Variants in CFAP299 observed in about 807,000 individuals in gnomAD.
The protein encoded by CFAP299 is cilia- and flagella-associated protein 299.
Under a neutral mutation model 27.0 loss-of-function variants are expected in CFAP299, and 21 were observed. The ratio of observed to expected loss-of-function variants is 0.78; its 90% confidence interval spans 0.55 to 1.12. The LOEUF is 1.12. Among genes scored for constraint, CFAP299 ranks in the 50% most tolerant of loss-of-function variants. The pLI, the probability that CFAP299 is intolerant of heterozygous loss-of-function variation, is 0.00. For missense variants in CFAP299, 310 were observed against 276.6 expected, an observed-to-expected ratio of 1.12 and a Z score of -0.86; for synonymous variants, 104 against 98.1, an observed-to-expected ratio of 1.06 and a Z score of -0.36.
intron 3 of CFAP299, among the ~76,000 whole-genome samples, chr4:80,862,102 G>T (rs1226648041): frequency 2.6e-5 from 4 of 152,144 alleles, no homozygotes; most frequent in Middle Eastern, 3.2e-3. Context: ...AGGTGCAGTG[G>T]TTCATGCCTG....
At position 80,537,713 on chromosome 4, in the gene CFAP299, T is replaced by C. The variant is rs1331307243; in HGVS notation, c.243-45380T>C. Among the ~76,000 whole-genome samples the C allele has an allele frequency of 2.0e-5, 3 of 151,998 alleles. No homozygotes were observed. In the East Asian group the frequency reaches 5.8e-4, roughly 29 times the overall value. On this transcript the variant is annotated intron_variant, in intron 2 of 5. Coordinates refer to ENST00000358105, the MANE Select transcript of CFAP299 (RefSeq NM_152770.3). Reference sequence around the variant, plus strand: ...GGATAGGGAGATGTTAGTTAAAAGGTATGAAGTTTCAGTTAGGATGAATAA... The same window carrying C: ...GGATAGGGAGATGTTAGTTAAAAGGCATGAAGTTTCAGTTAGGATGAATAA...
chr4:80,387,096 T>G, intron 2 of CFAP299: 2 of 1,445,184 alleles, frequency 1.4e-6, no homozygotes, highest in South Asian at 2.3e-5. Flanking sequence ...CAGGTGATGC[T>G]CCAGGGCCTC....
chr4:80,567,868 A>G (rs894141944), intron 2 of CFAP299, among the ~76,000 whole-genome samples: 2 of 151,628 alleles, frequency 1.3e-5, no homozygotes, highest in Non-Finnish European at 2.9e-5. Context: ...TGTGAAATGT[A>G]AGCAAAATAT....
intron 4 of CFAP299, among the ~76,000 whole-genome samples, chr4:80,894,190 G>A (rs1383075073): frequency 1.3e-5 from 2 of 151,892 alleles, no homozygotes; most frequent in East Asian, 1.9e-4. Context: ...TTGTTAGAAT[G>A]GGCATTATTA....
intron 1 of CFAP299, among the ~76,000 whole-genome samples, chr4:80,355,168 G>T (rs148389041): frequency 1.1e-4 from 17 of 151,782 alleles, no homozygotes; most frequent in African/African-American, 3.9e-4. Context: ...TTTTTTCTCC[G>T]CAAGTTTGCC....
At chr4:80,774,006 G>A (rs1726374604) in intron 3 of CFAP299, among the ~76,000 whole-genome samples, 1 of 151,908 alleles carries the variant, frequency 6.6e-6, no homozygotes, top group South Asian at 2.1e-4. Context: ...ATTTAATTAA[G>A]TTTAAAATGG....
chr4:80,397,884 A>G (rs1464629218), intron 2 of CFAP299, among the ~76,000 whole-genome samples: 1 of 152,222 alleles, frequency 6.6e-6, no homozygotes, highest in Non-Finnish European at 1.5e-5. Context: ...TAAGGAAAAG[A>G]AAAAGTCAAA....
intron 3 of CFAP299, among the ~76,000 whole-genome samples, chr4:80,842,883 T>C (rs1490523069): frequency 2.0e-5 from 3 of 152,078 alleles, no homozygotes; most frequent in Non-Finnish European, 4.4e-5. Flanking sequence ...CTAACTCCAA[T>C]CTTACTACCA....
chr4:80,463,391 A>G (rs1460737746), intron 2 of CFAP299, among the ~76,000 whole-genome samples: 1 of 152,206 alleles, frequency 6.6e-6, no homozygotes, highest in African/African-American at 2.4e-5. Context: ...TGAACAAAAA[A>G]TGATATTAAT....
At chr4:80,886,338 A>G (rs1254864959) in intron 4 of CFAP299, among the ~76,000 whole-genome samples, 1 of 152,188 alleles carries the variant, frequency 6.6e-6, no homozygotes, top group Non-Finnish European at 1.5e-5. Flanking sequence ...CTTCAGATCT[A>G]ACCCAGCACA....
intron 3 of CFAP299, among the ~76,000 whole-genome samples, chr4:80,622,252 GATGA>G (rs1278463977): frequency 6.6e-5 from 10 of 152,208 alleles, no homozygotes; most frequent in Non-Finnish European, 1.3e-4. Context: ...GAGGATGTGA[GATGA>G]ATGAAGTGAA....
At chr4:80,572,034 T>C (rs1045998828) in intron 2 of CFAP299, among the ~76,000 whole-genome samples, 7 of 152,166 alleles carry the variant, frequency 4.6e-5, no homozygotes, top group African/African-American at 1.7e-4. Flanking sequence ...TGTTCTTTTA[T>C]TCTTTTTTCT....
chr4:80,887,302 C>T (rs1019344574), intron 4 of CFAP299, among the ~76,000 whole-genome samples: 12 of 152,098 alleles, frequency 7.9e-5, no homozygotes, highest in African/African-American at 2.6e-4. Flanking sequence ...TCCCAAAGGT[C>T]AAGGATGAAG....
Position 80,388,147 on chromosome 4 carries a change from G to T in CFAP299, c.242+25263G>T, listed in dbSNP as rs150621949. On this transcript the variant is annotated intron_variant, in intron 2 of 5. Transcript: ENST00000358105. Reference sequence around the variant, plus strand: ...GATGCCCAGGGGGGCCCAGGCTGTGGGGTGGAGGTGGTGAGGGCAGTGGTG... The same window carrying T: ...GATGCCCAGGGGGGCCCAGGCTGTGTGGTGGAGGTGGTGAGGGCAGTGGTG... 5.1e-3 allele frequency: 3,388 copies of T among 670,644 alleles called. 45 individuals are homozygous for T. Among genetic ancestry groups the T allele is most frequent in the Non-Finnish European group, 2.8e-3 (1,017 of 365,588 alleles). 41.5% of individuals were successfully genotyped at this position (670,644 alleles called of 1,614,324 possible). A position where few individuals can be genotyped will look rare whatever the true frequency, so the allele number is the denominator to read the frequency against.
chr4:80,551,150 C>G (rs1199825279), intron 2 of CFAP299, among the ~76,000 whole-genome samples: 1 of 152,054 alleles, frequency 6.6e-6, no homozygotes, highest in East Asian at 1.9e-4. Context: ...TTTTAAAAAT[C>G]ATTTAGTCTG....
intron 2 of CFAP299, among the ~76,000 whole-genome samples, chr4:80,446,738 C>G (rs930973446): frequency 6.6e-6 from 1 of 152,162 alleles, no homozygotes; most frequent in Non-Finnish European, 1.5e-5. Flanking sequence ...ACATTTCTCA[C>G]CTGGTAGCAT....
intron 4 of CFAP299, among the ~76,000 whole-genome samples, chr4:80,944,039 C>G (rs1349141169): frequency 1.3e-5 from 2 of 150,902 alleles, no homozygotes; most frequent in Non-Finnish European, 3.0e-5. Flanking sequence ...GCACTCCAGC[C>G]TGGAGACAGA....
intron 2 of CFAP299, among the ~76,000 whole-genome samples, chr4:80,519,111 C>A (rs1302172868): frequency 1.3e-5 from 2 of 151,944 alleles, no homozygotes; most frequent in Non-Finnish European, 2.9e-5. Context: ...ACCTCTACTG[C>A]CTAGCATAGT....
At chr4:80,621,294 G>C (rs1283581216) in intron 3 of CFAP299, among the ~76,000 whole-genome samples, 1 of 152,078 alleles carries the variant, frequency 6.6e-6, no homozygotes, top group Non-Finnish European at 1.5e-5. Context: ...TATTAGGATA[G>C]TTTATGAATG....
Sources: gnomAD v4.1 joint callset for allele counts (sites outside exome capture counted in the v4.1 genomes callset) on GRCh38, gnomAD v4.1.1 for gene constraint, MANE v1.5 for transcripts, NCBI Gene and HGNC (gene_info 2026-07-23, HGNC 2026-07-21) for gene names.